Variants in SLC25A13 observed in about 807,000 individuals in gnomAD.
SLC25A13 encodes electrogenic aspartate/glutamate antiporter SLC25A13, mitochondrial.
SLC25A13 carries 70 observed loss-of-function variants against 85.5 expected under a neutral mutation model. The ratio of observed to expected loss-of-function variants is 0.82; its 90% CI spans 0.68 to 1.00. The LOEUF (loss-of-function observed/expected upper bound fraction) is 1.00, where lower values mean the gene tolerates loss of function less well. SLC25A13 is among the 50% of genes least tolerant of loss of function. SLC25A13 has a pLI of 0.00. For synonymous variants in SLC25A13, 259 were observed against 288.7 expected, an observed-to-expected ratio of 0.90 and a Z score of 1.04; for missense variants, 765 against 819.8, an observed-to-expected ratio of 0.93 and a Z score of 0.82.
intron 15 of SLC25A13, among the ~76,000 whole-genome samples, chr7:96,126,167 G>A (rs1289070740): frequency 1.3e-5 from 2 of 152,170 alleles, no homozygotes; most frequent in African/African-American, 2.4e-5. Flanking sequence ...CTGAATGGGA[G>A]GGTCTATGGG....
chr7:96,164,913 T>C (rs1793683367), intron 13 of SLC25A13, among the ~76,000 whole-genome samples: 1 of 152,204 alleles, frequency 6.6e-6, no homozygotes, highest in Non-Finnish European at 1.5e-5. Context: ...ATAAGTTTTA[T>C]TGTTAATGAT....
At chr7:96,186,391 T>C (rs556792123) in intron 9 of SLC25A13, among the ~76,000 whole-genome samples, 1 of 152,306 alleles carries the variant, frequency 6.6e-6, no homozygotes, top group Admixed American at 6.5e-5. Context: ...ATCGCGCCAC[T>C]GCACTCCAGC....
intron 4 of SLC25A13, among the ~76,000 whole-genome samples, chr7:96,226,590 C>T (rs934622860): frequency 1.3e-5 from 2 of 151,166 alleles, no homozygotes; most frequent in Admixed American, 6.6e-5. Flanking sequence ...AGGGACTGCA[C>T]CAACACATTT....
chr7:96,229,347 A>G (rs1016228433), intron 4 of SLC25A13, among the ~76,000 whole-genome samples: 1 of 151,994 alleles, frequency 6.6e-6, no homozygotes, highest in Non-Finnish European at 1.5e-5. Flanking sequence ...TTGTAAATGC[A>G]CCAATCAGCA....
intron 5 of SLC25A13, among the ~76,000 whole-genome samples, chr7:96,204,595 A>G (rs1028821194): frequency 2.3e-4 from 35 of 152,322 alleles, no homozygotes; most frequent in Non-Finnish European, 4.6e-4. Flanking sequence ...AAAGGATGTG[A>G]ATACCTGCCA....
Position 96,121,026 on chromosome 7 carries a change from A to T in SLC25A13, c.*165T>A. On this transcript the variant is annotated 3_prime_UTR_variant, in exon 18 of 18. Coordinates refer to ENST00000265631, the MANE Select transcript of SLC25A13 (RefSeq NM_014251.3). ...TGAATAATTTCACAATGATCTGGTTAAGAAAACACCCAGAAAATGAATGAT... is the reference window on the plus strand; with the variant it reads ...TGAATAATTTCACAATGATCTGGTTTAGAAAACACCCAGAAAATGAATGAT... The T allele has an allele frequency of 1.2e-6, 1 of 812,502 alleles. No homozygotes were observed. Among genetic ancestry groups the T allele is most frequent in the Non-Finnish European group, 2.1e-6 (1 of 485,764 alleles). The allele number at this position is 812,502 out of a possible 1,614,324, so 50.3% of individuals were successfully genotyped here.
intron 4 of SLC25A13, among the ~76,000 whole-genome samples, chr7:96,229,516 G>A (rs1378249218): frequency 1.3e-5 from 2 of 152,138 alleles, no homozygotes; most frequent in Admixed American, 6.5e-5. Flanking sequence ...CCACGCTGTG[G>A]AAGCTTTTGT....
intron 3 of SLC25A13, among the ~76,000 whole-genome samples, chr7:96,256,033 A>G (rs770924900): frequency 2.1e-4 from 32 of 152,184 alleles, no homozygotes; most frequent in Non-Finnish European, 4.1e-4. Flanking sequence ...TCTGAGGGAT[A>G]TCGTCACCAC....
chr7:96,275,165 C>T (rs1439652124), intron 3 of SLC25A13, among the ~76,000 whole-genome samples: 1 of 152,030 alleles, frequency 6.6e-6, no homozygotes, highest in African/African-American at 2.4e-5. Flanking sequence ...TTGTTTGTAT[C>T]CTCTTTTATT....
intron 4 of SLC25A13, among the ~76,000 whole-genome samples, chr7:96,234,477 G>A (rs1796670203): frequency 6.6e-6 from 1 of 151,988 alleles, no homozygotes; most frequent in South Asian, 2.1e-4. Context: ...TCTATCAGTG[G>A]AAAGCACTAC....
chr7:96,248,562 GCA>G lies in SLC25A13; in HGVS notation c.213-13647_213-13646del, dbSNP rs1406990827. Among the ~76,000 whole-genome samples the G allele has an allele frequency of 5.3e-5, 8 of 152,196 alleles. No individual in the cohort carries two copies. In the East Asian group the frequency reaches 1.5e-3, roughly 29 times the overall value. On this transcript the variant is annotated intron_variant, in intron 3 of 17. Coordinates refer to ENST00000265631, the MANE Select transcript of SLC25A13 (RefSeq NM_014251.3). ...GAAAGAAACAGCCACACAAAATGGT[GCA>G]ACTTGGACTTAGGTACCATGCTCCT...
At chr7:96,158,754 A>T (rs1345850001) in intron 13 of SLC25A13, among the ~76,000 whole-genome samples, 2 of 152,248 alleles carry the variant, frequency 1.3e-5, no homozygotes, top group Non-Finnish European at 1.5e-5. Context: ...TACAAACAAG[A>T]TATATAGTAA....
intron 2 of SLC25A13, among the ~76,000 whole-genome samples, chr7:96,295,945 C>T (rs547248795): frequency 6.1e-4 from 93 of 151,546 alleles, no homozygotes; most frequent in African/African-American, 2.2e-3. Context: ...CTTTTCTTTT[C>T]TGAGTACTTT....
chr7:96,217,046 T>A (rs575226550), intron 4 of SLC25A13, among the ~76,000 whole-genome samples: 16 of 152,004 alleles, frequency 1.1e-4, no homozygotes, highest in Non-Finnish European at 2.2e-4. Context: ...GGACAAATAA[T>A]CCTATTTAAA....
At chr7:96,294,564 C>T (rs1275862541) in intron 2 of SLC25A13, among the ~76,000 whole-genome samples, 2 of 149,618 alleles carry the variant, frequency 1.3e-5, no homozygotes, top group Non-Finnish European at 3.0e-5. Context: ...AGCTGACATG[C>T]GCAACCTGCA....
intron 3 of SLC25A13, among the ~76,000 whole-genome samples, chr7:96,270,756 C>G (rs1798211499): frequency 6.6e-6 from 1 of 152,012 alleles, no homozygotes; most frequent in South Asian, 2.1e-4. Flanking sequence ...CCCATAATAA[C>G]ACAACAAAAT....
chr7:96,216,610 G>A (rs900761124), intron 4 of SLC25A13, among the ~76,000 whole-genome samples: 1 of 152,134 alleles, frequency 6.6e-6, no homozygotes, highest in African/African-American at 2.4e-5. Flanking sequence ...AACGTCGACG[G>A]AGCTGGAGGC....
intron 13 of SLC25A13, among the ~76,000 whole-genome samples, chr7:96,159,580 G>A (rs1234602715): frequency 6.6e-6 from 1 of 152,184 alleles, no homozygotes; most frequent in Non-Finnish European, 1.5e-5. Flanking sequence ...TGTTGTTTAA[G>A]CCTCCCGCTC....
At chr7:96,140,985 A>G (rs1415688390) in intron 14 of SLC25A13, among the ~76,000 whole-genome samples, 1 of 147,058 alleles carries the variant, frequency 6.8e-6, no homozygotes, top group Non-Finnish European at 1.5e-5. Context: ...AGCTGATGTC[A>G]TATTAATTTT....
Sources: gnomAD v4.1 joint callset for allele counts (sites outside exome capture counted in the v4.1 genomes callset) on GRCh38, gnomAD v4.1.1 for gene constraint, MANE v1.5 for transcripts, NCBI Gene and HGNC (gene_info 2026-07-23, HGNC 2026-07-21) for gene names.